The following YTHDF3 variants were observed in gnomAD, a reference collection of about 807,000 sequenced individuals.
YTHDF3 encodes the protein YTH domain-containing family protein 3.
In YTHDF3, 9 loss-of-function variants were observed where a neutral mutation model predicts 52.5. The observed-to-expected ratio is 0.17, with a 90% confidence interval of 0.10 to 0.30. The LOEUF (loss-of-function observed/expected upper bound fraction) is 0.30, where lower values mean the gene tolerates loss of function less well. Among genes scored for constraint, YTHDF3 ranks in the 10% least tolerant of loss-of-function variants. The probability of loss-of-function intolerance (pLI) is 1.00; values close to 1 mark genes in which losing one functional copy is unlikely to be tolerated. For missense variants in YTHDF3, 534 were observed against 715.0 expected, an observed-to-expected ratio of 0.75 and a Z score of 2.89; for synonymous variants, 274 against 243.3, an observed-to-expected ratio of 1.13 and a Z score of -1.18.
chr8:63,203,942 G>A (rs1242411906), intron 4 of YTHDF3, among the ~76,000 whole-genome samples: 8 of 152,156 alleles, frequency 5.3e-5, no homozygotes, highest in Non-Finnish European at 1.5e-5. Flanking sequence ...TCTTAACTTC[G>A]ATTGCTTAAA....
intron 4 of YTHDF3, among the ~76,000 whole-genome samples, chr8:63,188,523 C>T (rs1344276782): frequency 6.7e-6 from 1 of 148,950 alleles, no homozygotes; most frequent in Non-Finnish European, 1.5e-5. Context: ...TAGAGGGTTT[C>T]ACCATGTTGC....
At chr8:63,182,923 A>T (rs890333728) in intron 3 of YTHDF3, among the ~76,000 whole-genome samples, 5 of 152,152 alleles carry the variant, frequency 3.3e-5, no homozygotes, top group South Asian at 2.1e-4. Flanking sequence ...TTAACTGTTT[A>T]AAAAAAGGAT....
intron 3 of YTHDF3, among the ~76,000 whole-genome samples, chr8:63,177,763 T>A (rs1015943149): frequency 5.3e-5 from 8 of 151,774 alleles, no homozygotes; most frequent in African/African-American, 4.8e-5. Flanking sequence ...ACTCTTATTT[T>A]TTTTTTTTTT....
rs900853847 is a variant in YTHDF3 at position 63,212,699 on chromosome 8, A to T, written c.*2993A>T. On this transcript the variant is annotated 3_prime_UTR_variant, in exon 5 of 5. Transcript: ENST00000539294. ...TGTTCATTCCTGTGAATGATGGTAC[A>T]GTTAGGTGAGATTTTCTGTTATGGT... 2.0e-5 allele frequency: 3 copies of T among 152,630 alleles called. No homozygotes were observed. Among genetic ancestry groups the T allele is most frequent in the African/African-American group, 7.2e-5 (3 of 41,460 alleles). 9.5% of individuals were successfully genotyped at this position (152,630 alleles called of 1,614,324 possible).
rs182662640 is a variant in YTHDF3, at chr8:63,209,930, G to C, written c.*224G>C. ...ACTGTAACTTCGTCAAGCACTTTCT[G>C]TCCTGAAGCTTTTACCAGTATCTGC... On this transcript the variant is annotated 3_prime_UTR_variant, in exon 5 of 5. Coordinates refer to ENST00000539294, the MANE Select transcript of YTHDF3 (RefSeq NM_152758.6). The C allele has an allele frequency of 2.2e-6, 1 of 456,854 alleles. No homozygotes were observed. The highest frequency in any genetic ancestry group is 3.5e-5 in the East Asian group (1 of 28,440). The allele number at this position is 456,854 out of a possible 1,614,324, so 28.3% of individuals were successfully genotyped here.
chr8:63,192,379 A>T (rs1024480818), intron 4 of YTHDF3, among the ~76,000 whole-genome samples: 4 of 152,122 alleles, frequency 2.6e-5, no homozygotes, highest in African/African-American at 9.7e-5. Flanking sequence ...CTCTTTGCAA[A>T]TGTGGAGATG....
chr8:63,209,418 TAAAC>T (rs1810244033), intron 4 of YTHDF3, among the ~76,000 whole-genome samples: 1 of 152,186 alleles, frequency 6.6e-6, no homozygotes, highest in Admixed American at 6.5e-5. Context: ...ATTCTCATCA[TAAAC>T]AAACAATAGG....
chr8:63,182,234 A>ATTT (rs11348989), intron 3 of YTHDF3, among the ~76,000 whole-genome samples: 5 of 111,694 alleles, frequency 4.5e-5, no homozygotes, highest in East Asian at 5.8e-4. Flanking sequence ...TGCCTGGCTA[A>ATTT]TTTTTTTTTT....
At chr8:63,172,798 T>C in intron 2 of YTHDF3, 1 of 1,231,556 alleles carries the variant, frequency 8.1e-7, no homozygotes, top group Non-Finnish European at 1.0e-6. Flanking sequence ...CGAAGAATCA[T>C]GTAAGTCATC....
intron 2 of YTHDF3, among the ~76,000 whole-genome samples, chr8:63,172,387 C>T (rs993420868): frequency 1.6e-4 from 24 of 152,056 alleles, no homozygotes; most frequent in Non-Finnish European, 7.4e-5. Context: ...TCCTCCTCTC[C>T]GCTCTCTTCC....
chr8:63,209,211 AAG>A (rs910505686), intron 4 of YTHDF3, among the ~76,000 whole-genome samples: 17 of 152,268 alleles, frequency 1.1e-4, no homozygotes, highest in Admixed American at 6.5e-4. Context: ...CGTGTGCTGA[AAG>A]AGAGAGTGTA....
chr8:63,183,430 G>A (rs770805900), intron 3 of YTHDF3, among the ~76,000 whole-genome samples: 23 of 152,036 alleles, frequency 1.5e-4, no homozygotes, highest in Non-Finnish European at 2.8e-4. Context: ...TTACGCATTT[G>A]TGTTTGTCTT....
chr8:63,209,170 A>T (rs572038865), intron 4 of YTHDF3, among the ~76,000 whole-genome samples: 1 of 152,162 alleles, frequency 6.6e-6, no homozygotes, highest in Non-Finnish European at 1.5e-5. Context: ...GCCCGGCCTC[A>T]TGTTACTTTT....
intron 4 of YTHDF3, among the ~76,000 whole-genome samples, chr8:63,200,440 T>C (rs900889464): frequency 3.9e-5 from 6 of 152,012 alleles, no homozygotes; most frequent in Non-Finnish European, 7.4e-5. Context: ...TTTTTCCTTA[T>C]TCTTTAATTT....
chr8:63,169,033 G>A, intron 1 of YTHDF3, 132 bp downstream of exon 1: 2 of 1,450,790 alleles, frequency 1.4e-6, no homozygotes, highest in Non-Finnish European at 1.8e-6. Context: ...AGTTGCTGCG[G>A]TGTAGCTACC....
At chr8:63,178,954 A>C (rs992072373) in intron 3 of YTHDF3, among the ~76,000 whole-genome samples, 3 of 152,216 alleles carry the variant, frequency 2.0e-5, no homozygotes, top group African/African-American at 7.2e-5. Flanking sequence ...CACTGTACAC[A>C]GTGTGTTTTA....
intron 3 of YTHDF3, 114 bp downstream of exon 3, chr8:63,175,530 T>A: frequency 1.2e-6 from 1 of 839,388 alleles, no homozygotes; most frequent in South Asian, 1.6e-5. Flanking sequence ...ATTCATCTAG[T>A]GTACCTATAT....
chr8:63,183,949 T>C (rs1808330119), intron 3 of YTHDF3, among the ~76,000 whole-genome samples: 2 of 152,348 alleles, frequency 1.3e-5, no homozygotes, highest in African/African-American at 2.4e-5. Context: ...CTGTATACTT[T>C]AGATGATCTC....
At chr8:63,177,798 C>G (rs1211065083) in intron 3 of YTHDF3, among the ~76,000 whole-genome samples, 1 of 149,986 alleles carries the variant, frequency 6.7e-6, no homozygotes, top group Non-Finnish European at 1.5e-5. Flanking sequence ...CGCTCTGTTG[C>G]CTAGGCTGGA....
Sources: gnomAD v4.1 joint callset for allele counts (sites outside exome capture counted in the v4.1 genomes callset) on GRCh38, gnomAD v4.1.1 for gene constraint, MANE v1.5 for transcripts, NCBI Gene and HGNC (gene_info 2026-07-23, HGNC 2026-07-21) for gene names.